Variants in PFKFB4 observed in about 807,000 individuals in gnomAD.
The protein encoded by PFKFB4 is 6-phosphofructo-2-kinase/fructose-2,6-biphosphatase 4.
A neutral mutation model predicts 62.8 loss-of-function variants in PFKFB4; 42 were observed. That is an observed-to-expected ratio of 0.67 (90% CI 0.52 to 0.86). The LOEUF (loss-of-function observed/expected upper bound fraction) is 0.86. Among genes scored for constraint, PFKFB4 ranks in the 40% least tolerant of loss-of-function variants. PFKFB4 has a pLI of 0.00. For missense variants in PFKFB4, 475 were observed against 627.2 expected, an observed-to-expected ratio of 0.76 and a Z score of 2.59; for synonymous variants, 204 against 240.7, an observed-to-expected ratio of 0.85 and a Z score of 1.41.
At chr3:48,540,776 A>AT (rs34769393) in intron 4 of PFKFB4, among the ~76,000 whole-genome samples, 3,092 of 136,602 alleles carry the variant, frequency 0.023, 52 homozygotes, top group African/African-American at 0.043. Context: ...TACCTGGCTA[A>AT]TTTTTTTTTT....
chr3:48,523,412 G>T, intron 12 of PFKFB4, 125 bp downstream of exon 12: 1 of 898,008 alleles, frequency 1.1e-6, no homozygotes, highest in East Asian at 2.6e-5. Context: ...GGGAAAGGTG[G>T]TGGGGTAGTA....
In PFKFB4 at chr3:48,535,523, C is replaced by T. The variant is rs779691575; in HGVS notation, c.976G>A (p.Glu326Lys). 26 of 1,613,778 alleles carry T rather than the reference C, an allele frequency of 1.6e-5. No homozygotes were observed. The highest frequency in any genetic ancestry group is 6.6e-5 in the South Asian group (6 of 91,062). Reference sequence around the variant, plus strand: ...GGGACGGTAACTACCGCATCGATCTCGTTGAGGACCTTCCACTGTTCATAG... The same window carrying T: ...GGGACGGTAACTACCGCATCGATCTTGTTGAGGACCTTCCACTGTTCATAG... Reference protein sequence around the residue: ...VPYEQWKVLNEIDAGVCEEMT... With the variant: ...VPYEQWKVLNKIDAGVCEEMT... The change falls in exon 9 of 14, where the codon GAG becomes AAG. Residue 326 changes from glutamate (E) to lysine (K), a missense_variant. Transcript: ENST00000232375.
At chr3:48,535,931 C>T (rs989913845) in intron 8 of PFKFB4, among the ~76,000 whole-genome samples, 1 of 152,216 alleles carries the variant, frequency 6.6e-6, no homozygotes, top group African/African-American at 2.4e-5. Context: ...CCCTGTGCTA[C>T]GTGACCACTG....
At chr3:48,548,107 T>G (rs902772535) in intron 3 of PFKFB4, 1 of 152,176 alleles carries the variant, frequency 6.6e-6, no homozygotes, top group Admixed American at 6.6e-5. Flanking sequence ...AGTCTAGGTC[T>G]CTTCATTTGA....
chr3:48,522,190 G>A (rs1161880089), intron 12 of PFKFB4, 140 bp from the exon 13 acceptor site: 15 of 749,026 alleles, frequency 2.0e-5, no homozygotes, highest in Non-Finnish European at 3.5e-5. Context: ...TTCCACTTTA[G>A]GCAGCTCTGG....
chr3:48,557,479 C>T (rs915084212), upstream of PFKFB4, among the ~76,000 whole-genome samples: 24 of 152,220 alleles, frequency 1.6e-4, no homozygotes, highest in Non-Finnish European at 3.1e-4. Flanking sequence ...GATAGAGACT[C>T]AAAACACATT....
At chr3:48,531,618 GCCAAAAAAAAA>G (rs1329373416) in intron 9 of PFKFB4, among the ~76,000 whole-genome samples, 2 of 149,860 alleles carry the variant, frequency 1.3e-5, no homozygotes, top group Non-Finnish European at 3.0e-5. Flanking sequence ...ACCGCACCCG[GCCAAAAAAAAA>G]TTTTTTTTTT....
chr3:48,556,286 G>A lies in PFKFB4; in HGVS notation c.97+395C>T. ...CCTAGGGCCACACAGCTCAGTTCCA[G>A]TCCAACAACCCGGCCCACACTCCTT... On this transcript the variant is annotated intron_variant, in intron 1 of 13. Coordinates refer to ENST00000232375, the MANE Select transcript of PFKFB4 (RefSeq NM_004567.4). This position sits in a 1 kb window ranked among gnomAD's most constrained non-coding sequence, Gnocchi z 5.7. 2.0e-6 allele frequency: 1 copy of A among 492,600 alleles called. No homozygotes were observed. The highest frequency in any genetic ancestry group is 1.5e-5 in the South Asian group (1 of 64,824). 30.5% of individuals were successfully genotyped at this position (492,600 alleles called of 1,614,324 possible). A position where few individuals can be genotyped will look rare whatever the true frequency, so the allele number is the denominator to read the frequency against.
At chr3:48,527,437 C>CT (rs1252601177) in intron 9 of PFKFB4, among the ~76,000 whole-genome samples, 3 of 151,882 alleles carry the variant, frequency 2.0e-5, no homozygotes, top group Admixed American at 1.3e-4. Context: ...TGCGCCACCA[C>CT]ACTTGAATAC....
Position 48,522,441 on chromosome 3 carries a change from G to A in PFKFB4, c.1286-391C>T, listed in dbSNP as rs78942500. Among the ~76,000 whole-genome samples, 171 of 152,326 alleles carry A rather than the reference G, an allele frequency of 1.1e-3. 4 individuals carry two copies. In the East Asian group the frequency reaches 0.031, roughly 28 times the overall value. On this transcript the variant is annotated intron_variant, in intron 12 of 13. Coordinates refer to ENST00000232375, the MANE Select transcript of PFKFB4 (RefSeq NM_004567.4). ...GTGTGCCAGGTGCACAGTGCAATGG[G>A]GGATGAGGCCATTGTCACACACTGG...
At chr3:48,541,359 G>A (rs1294171352) in intron 4 of PFKFB4, among the ~76,000 whole-genome samples, 1 of 151,900 alleles carries the variant, frequency 6.6e-6, no homozygotes, top group Non-Finnish European at 1.5e-5. Flanking sequence ...TTGATCTCCT[G>A]ACCTCGTGAT....
intron 8 of PFKFB4, 70 bp downstream of exon 8, chr3:48,536,186 C>T (rs1021333990): frequency 1.5e-6 from 2 of 1,362,010 alleles, no homozygotes; most frequent in East Asian, 2.3e-5. Flanking sequence ...CGCACTCACA[C>T]ATGCATATAC....
intron 9 of PFKFB4, among the ~76,000 whole-genome samples, chr3:48,526,818 G>A (rs1345128693): frequency 1.3e-5 from 2 of 151,862 alleles, no homozygotes; most frequent in Non-Finnish European, 2.9e-5. Context: ...GCTCACGCCT[G>A]TAGTCCCAGC....
At chr3:48,557,352 T>A (rs539093033), upstream of PFKFB4, among the ~76,000 whole-genome samples, 1 of 152,164 alleles carries the variant, frequency 6.6e-6, no homozygotes, top group African/African-American at 2.4e-5. Context: ...AGCCGTCAAC[T>A]CCGCTGCGCC....
chr3:48,560,265 GCTGCTCT>G (rs1425110816), upstream of PFKFB4, among the ~76,000 whole-genome samples: 1 of 152,164 alleles, frequency 6.6e-6, no homozygotes, highest in Non-Finnish European at 1.5e-5. Context: ...AGTGGGGCCT[GCTGCTCT>G]CTGCTGCCTC....
At chr3:48,562,917 A>G, upstream of PFKFB4, 2 of 1,605,690 alleles carry the variant, frequency 1.2e-6, no homozygotes, top group Non-Finnish European at 1.7e-6. This position sits in a 1 kb window ranked among gnomAD's most constrained non-coding sequence, Gnocchi z 4.3. Context: ...ACAATGCGCG[A>G]GCCAGGGTGG....
At chr3:48,532,154 A>G (rs987910851) in intron 9 of PFKFB4, among the ~76,000 whole-genome samples, 4 of 152,028 alleles carry the variant, frequency 2.6e-5, no homozygotes, top group Non-Finnish European at 5.9e-5. Flanking sequence ...TAAAAATACA[A>G]AAAAAATTAG....
At chr3:48,546,398 A>T (rs964096990) in intron 3 of PFKFB4, among the ~76,000 whole-genome samples, 1 of 152,178 alleles carries the variant, frequency 6.6e-6, no homozygotes, top group Non-Finnish European at 1.5e-5. Flanking sequence ...TTCATGTGCC[A>T]TGTGACTGTG....
chr3:48,537,516 CTTTTTTT>C (rs34454675), intron 7 of PFKFB4, among the ~76,000 whole-genome samples: 1 of 91,390 alleles, frequency 1.1e-5, no homozygotes, highest in East Asian at 3.5e-4. Flanking sequence ...CATGTGCATC[CTTTTTTT>C]TTTTTTTTTT....
Sources: allele counts gnomAD v4.1 joint callset (sites outside exome capture counted in the v4.1 genomes callset), GRCh38; gene constraint gnomAD v4.1.1; non-coding constraint Gnocchi (gnomAD v3.1); transcripts MANE v1.5; gene names NCBI Gene and HGNC (gene_info 2026-07-23, HGNC 2026-07-21).